CNTLN: variants seen among roughly 807,000 people sequenced by gnomAD.
CNTLN encodes centlein.
Under a neutral mutation model 180.0 loss-of-function variants are expected in CNTLN, and 212 were observed. The ratio of observed to expected loss-of-function variants is 1.18; its 90% CI spans 1.05 to 1.32. CNTLN has a LOEUF of 1.32. CNTLN is among the 40% of genes most tolerant of loss of function. The probability of loss-of-function intolerance (pLI) is 0.00; values close to 1 mark genes in which losing one functional copy is unlikely to be tolerated. For missense variants in CNTLN, 2,095 were observed against 1,610.9 expected (o/e 1.30, Z -5.14); for synonymous variants, 722 against 563.1 (o/e 1.28, Z -3.99).
intron 2 of CNTLN, among the ~76,000 whole-genome samples, chr9:17,223,901 C>T (rs376032111): frequency 5.3e-5 from 8 of 151,902 alleles, no homozygotes; most frequent in Admixed American, 2.0e-4. Flanking sequence ...TGTGTACTTC[C>T]GTGCTGTTCT....
At chr9:17,162,737 A>C (rs952336330) in intron 2 of CNTLN, among the ~76,000 whole-genome samples, 6 of 152,172 alleles carry the variant, frequency 3.9e-5, no homozygotes, top group South Asian at 2.1e-4. Flanking sequence ...GGTGGGCAGG[A>C]GAGTGCACAG....
At chr9:17,464,372 T>G in intron 20 of CNTLN, 125 bp from the exon 21 acceptor site, 1 of 732,866 alleles carries the variant, frequency 1.4e-6, no homozygotes. Context: ...TTTTACTGAT[T>G]TACAGTGTCA....
intron 2 of CNTLN, among the ~76,000 whole-genome samples, chr9:17,209,434 T>C (rs1823135154): frequency 6.6e-6 from 1 of 152,212 alleles, no homozygotes; most frequent in South Asian, 2.1e-4. Flanking sequence ...TTATTAGATC[T>C]ATTTGTTCTG....
intron 2 of CNTLN, among the ~76,000 whole-genome samples, chr9:17,189,069 C>G (rs1213800398): frequency 2.0e-5 from 2 of 102,286 alleles, no homozygotes; most frequent in South Asian, 3.5e-4. Flanking sequence ...CTTTTTGGGA[C>G]TTAGTTTTTT....
intron 2 of CNTLN, among the ~76,000 whole-genome samples, chr9:17,206,000 A>G (rs912958615): frequency 6.8e-6 from 1 of 147,234 alleles, no homozygotes; most frequent in Non-Finnish European, 1.5e-5. Context: ...TCTGCTAGTA[A>G]TAAGTACATG....
chr9:17,483,334 T>G (rs1224573489), intron 23 of CNTLN, among the ~76,000 whole-genome samples: 2 of 598 alleles, frequency 3.3e-3, no homozygotes, highest in Non-Finnish European at 0.12. Context: ...AAACAGATAC[T>G]TTTTATACAT....
At chr9:17,484,910 T>G (rs1435023233) in intron 24 of CNTLN, among the ~76,000 whole-genome samples, 2 of 152,176 alleles carry the variant, frequency 1.3e-5, no homozygotes, top group African/African-American at 4.8e-5. Flanking sequence ...ATAGCTAAAT[T>G]CAAAATTATT....
intron 18 of CNTLN, among the ~76,000 whole-genome samples, chr9:17,426,515 A>T (rs1829093357): frequency 6.6e-6 from 1 of 151,918 alleles, no homozygotes; most frequent in African/African-American, 2.4e-5. Context: ...AATTTTTGTC[A>T]TGTTGTATTT....
intron 7 of CNTLN, chr9:17,302,099 C>T (rs1818403935): frequency 2.1e-6 from 2 of 942,534 alleles, no homozygotes; most frequent in Non-Finnish European, 2.5e-6. Flanking sequence ...TACACACACA[C>T]ACACACACAC....
chr9:17,242,509 C>T (rs1825555762), intron 5 of CNTLN, among the ~76,000 whole-genome samples: 1 of 152,024 alleles, frequency 6.6e-6, no homozygotes, highest in South Asian at 2.1e-4. Context: ...CAGGGTTTTG[C>T]CATGTTGGCC....
chr9:17,429,469 A>C lies in CNTLN; in HGVS notation c.3114+13280A>C, dbSNP rs534898395. ...AGGGATATCATACACTGGAATATATAAATAAAGTATTTGAGTATGTATTTA... is the reference window on the plus strand; with the variant it reads ...AGGGATATCATACACTGGAATATATCAATAAAGTATTTGAGTATGTATTTA... On this transcript the variant is annotated intron_variant, in intron 18 of 25. Coordinates refer to ENST00000380647, the MANE Select transcript of CNTLN (RefSeq NM_017738.4). Among the ~76,000 whole-genome samples the C allele has an allele frequency of 3.7e-4, 57 of 152,216 alleles. 1 individual carries two copies. The highest frequency in any genetic ancestry group is 1.3e-3 in the African/African-American group (54 of 41,568).
At chr9:17,174,774 A>G (rs368178721) in intron 2 of CNTLN, among the ~76,000 whole-genome samples, 9 of 151,822 alleles carry the variant, frequency 5.9e-5, no homozygotes, top group African/African-American at 2.2e-4. Context: ...TTATCCAGCA[A>G]TGTGTGAGAG....
At chr9:17,370,041 G>T (rs1769417816) in intron 13 of CNTLN, among the ~76,000 whole-genome samples, 1 of 150,856 alleles carries the variant, frequency 6.6e-6, no homozygotes, top group Admixed American at 6.6e-5. Flanking sequence ...AAACAATGAA[G>T]CATGCCTACA....
At chr9:17,386,116 G>A (rs148533662) in intron 13 of CNTLN, among the ~76,000 whole-genome samples, 1,758 of 151,654 alleles carry the variant, frequency 0.012, 15 homozygotes, top group Middle Eastern at 0.045. Flanking sequence ...TTCATATTAA[G>A]ATCAGGGAAA....
intron 8 of CNTLN, among the ~76,000 whole-genome samples, chr9:17,329,606 C>T (rs185259447): frequency 5.5e-4 from 83 of 151,936 alleles, no homozygotes; most frequent in Non-Finnish European, 9.3e-4. Context: ...TATGGTCCCT[C>T]TCATTATACA....
intron 2 of CNTLN, among the ~76,000 whole-genome samples, chr9:17,200,616 G>A (rs995170205): frequency 2.6e-5 from 4 of 151,976 alleles, no homozygotes; most frequent in African/African-American, 9.7e-5. Context: ...TGGGAGTTCA[G>A]TCATGATTTG....
chr9:17,468,594 T>C (rs1252978330), intron 23 of CNTLN, among the ~76,000 whole-genome samples: 1 of 151,570 alleles, frequency 6.6e-6, no homozygotes, highest in Non-Finnish European at 1.5e-5. Flanking sequence ...CCTTGAAACA[T>C]TCTTTGAATG....
chr9:17,229,310 A>G (rs932655060), intron 3 of CNTLN, among the ~76,000 whole-genome samples: 4 of 152,138 alleles, frequency 2.6e-5, no homozygotes, highest in Non-Finnish European at 4.4e-5. Context: ...AATTTTAGAA[A>G]GCAATACAAC....
intron 6 of CNTLN, among the ~76,000 whole-genome samples, chr9:17,275,643 G>A (rs1485599381): frequency 6.6e-6 from 1 of 152,158 alleles, no homozygotes; most frequent in Admixed American, 6.6e-5. Flanking sequence ...ATACAGTGCA[G>A]TGTTAAGGAC....
Sources: gnomAD v4.1 joint callset for allele counts (sites outside exome capture counted in the v4.1 genomes callset) on GRCh38, gnomAD v4.1.1 for gene constraint, MANE v1.5 for transcripts, NCBI Gene and HGNC (gene_info 2026-07-23, HGNC 2026-07-21) for gene names.